CATSPERD: variants seen among roughly 807,000 people sequenced by gnomAD.
The protein encoded by CATSPERD is catsper channel auxiliary subunit delta.
CATSPERD carries 86 observed loss-of-function variants against 98.1 expected under a neutral mutation model. The observed-to-expected ratio is 0.88, with a 90% CI of 0.74 to 1.05. The LOEUF (loss-of-function observed/expected upper bound fraction) is 1.05, where lower values mean the gene tolerates loss of function less well. Ranked by LOEUF, CATSPERD falls within the 50% of genes least tolerant of loss-of-function variation. The probability of loss-of-function intolerance (pLI) is 0.00; values close to 1 mark genes in which losing one functional copy is unlikely to be tolerated. For missense variants in CATSPERD, 995 were observed against 1,005.7 expected (o/e 0.99, Z 0.14); for synonymous variants, 394 against 390.2 (o/e 1.01, Z -0.12).
rs1181412871 is a variant in CATSPERD, at chr19:5,731,106, AAAG to A, written c.276+1164_276+1166del. ...GACTCCGTCTCAAAAAAAAAAAAAA[AAAG>A]AGCCCCCCAAATTGTCCTAAACCAA... On this transcript the variant is annotated intron_variant, in intron 4 of 21. Coordinates refer to ENST00000381624, the MANE Select transcript of CATSPERD (RefSeq NM_152784.4). 3.3e-5 allele frequency among the ~76,000 whole-genome samples: 5 copies of A among 151,918 alleles called. No individual in the cohort carries two copies. In the South Asian group the frequency reaches 8.3e-4, roughly 25 times the overall value.
intron 3 of CATSPERD, among the ~76,000 whole-genome samples, chr19:5,727,971 G>T (rs1471470909): frequency 6.7e-6 from 1 of 150,266 alleles, no homozygotes; most frequent in Non-Finnish European, 1.5e-5. Flanking sequence ...CAGGAGGATC[G>T]CTGGAGGATC....
intron 15 of CATSPERD, among the ~76,000 whole-genome samples, chr19:5,760,291 C>T (rs192385400): frequency 3.8e-4 from 57 of 149,694 alleles, no homozygotes; most frequent in East Asian, 9.9e-4. Flanking sequence ...CTCAGCTACT[C>T]GGGAGGCTGA....
At position 5,747,169 on chromosome 19, in the gene CATSPERD, CTTTTTTTTTTTTT is replaced by C. The variant is rs748726369; in HGVS notation, c.809-982_809-970del. On this transcript the variant is annotated intron_variant, in intron 9 of 21. Coordinates refer to ENST00000381624, the MANE Select transcript of CATSPERD (RefSeq NM_152784.4). ...CTGTTTTATCCTCACAATGGTTTCCCTTTTTTTTTTTTTTTTTTTTTGGGACACAGTTTCACTC... is the reference window on the plus strand; with the variant it reads ...CTGTTTTATCCTCACAATGGTTTCCCTTTTTTTTGGGACACAGTTTCACTC... Among the ~76,000 whole-genome samples the C allele has an allele frequency of 1.1e-4, 12 of 105,774 alleles. No individual in the cohort carries two copies. The Admixed American group carries it at 1.3e-3, about 12-fold the overall frequency. The allele number at this position is 105,774 out of a possible 152,430, so 69.4% of individuals were successfully genotyped here. A position where few individuals can be genotyped will look rare whatever the true frequency, so the allele number is the denominator to read the frequency against.
chr19:5,771,136 G>T (rs2056636574), intron 19 of CATSPERD, 64 bp downstream of exon 19: 1 of 1,552,734 alleles, frequency 6.4e-7, no homozygotes, highest in Admixed American at 1.9e-5. Flanking sequence ...CCCTGGCCCT[G>T]GGGTACCAGC....
chr19:5,748,975 C>A lies in CATSPERD; in HGVS notation c.905-126C>A, dbSNP rs374168794. The stretch of plus-strand genomic sequence containing the variant: ...AAACTCCTGGCCTCAAGTGATCCAC[C>A]CCCCTCGGCCTCTCAAAGTGTTGGA... On this transcript the variant is annotated intron_variant, in intron 10 of 21. Transcript: ENST00000381624. 7.2e-5 allele frequency: 44 copies of A among 612,010 alleles called. No homozygotes were observed. In the Middle Eastern group the frequency reaches 8.1e-4, roughly 11 times the overall value. The allele number at this position is 612,010 out of a possible 1,614,324, so 37.9% of individuals were successfully genotyped here.
intron 4 of CATSPERD, among the ~76,000 whole-genome samples, chr19:5,731,743 T>G (rs534206360): frequency 1.4e-5 from 2 of 147,416 alleles, no homozygotes; most frequent in South Asian, 4.3e-4. Context: ...GCCCGGCTAA[T>G]TTTTTGTATT....
chr19:5,771,223 A>G lies in CATSPERD; in HGVS notation c.1763+151A>G, dbSNP rs144491675. On this transcript the variant is annotated intron_variant, in intron 19 of 21. Coordinates refer to ENST00000381624, the MANE Select transcript of CATSPERD (RefSeq NM_152784.4). ...CCCACCGTGCTCCTGCCCCAGCCCC[A>G]CTGGCCCCCAGGGCCCTCTCCCTGG... is the stretch of plus-strand genomic sequence containing the variant. The G allele has an allele frequency of 1.3e-3, 1,134 of 883,520 alleles. 12 individuals are homozygous for G. In the African/African-American group the frequency reaches 0.017, roughly 14 times the overall value. 54.7% of individuals were successfully genotyped at this position (883,520 alleles called of 1,614,324 possible). A position where few individuals can be genotyped will look rare whatever the true frequency, so the allele number is the denominator to read the frequency against.
chr19:5,759,708 G>A (rs1264174251), intron 15 of CATSPERD, among the ~76,000 whole-genome samples: 1 of 151,926 alleles, frequency 6.6e-6, no homozygotes, highest in African/African-American at 2.4e-5. Flanking sequence ...CAACCCACCG[G>A]TCCATCACCA....
At chr19:5,759,025 A>G in intron 14 of CATSPERD, 61 bp from the exon 15 acceptor site, 1 of 1,477,692 alleles carries the variant, frequency 6.8e-7, no homozygotes, top group East Asian at 2.3e-5. Flanking sequence ...CAATGTCCTG[A>G]GTTGGGGATG....
At chr19:5,753,683 A>T (rs780513545) in intron 12 of CATSPERD, 123 of 331,096 alleles carry the variant, frequency 3.7e-4, no homozygotes, top group Middle Eastern at 2.0e-3. Flanking sequence ...CAGCGTGGCA[A>T]CATAGTAAGC....
At chr19:5,775,663 A>AG (rs1568378209) in intron 20 of CATSPERD, among the ~76,000 whole-genome samples, 1 of 150,340 alleles carries the variant, frequency 6.7e-6, no homozygotes, top group Non-Finnish European at 1.5e-5. Flanking sequence ...AAAAAAAAAA[A>AG]AAAAGAAAGA....
intron 3 of CATSPERD, 65 bp downstream of exon 3, chr19:5,727,409 A>G (rs2055626031): frequency 1.7e-6 from 2 of 1,208,398 alleles, no homozygotes; most frequent in African/African-American, 1.5e-5. Flanking sequence ...TGCCCCATTC[A>G]TTCGTTCAAC....
intron 16 of CATSPERD, among the ~76,000 whole-genome samples, chr19:5,763,954 T>C (rs1417162578): frequency 2.0e-5 from 3 of 149,312 alleles, no homozygotes; most frequent in Non-Finnish European, 4.4e-5. Flanking sequence ...TTCAAGCAAT[T>C]CTCCTAACCT....
chr19:5,723,163 G>C (rs1026188063), intron 1 of CATSPERD, among the ~76,000 whole-genome samples: 1 of 148,238 alleles, frequency 6.7e-6, no homozygotes, highest in African/African-American at 2.5e-5. Context: ...CTCCAGCCTG[G>C]GCGACGGAGC....
chr19:5,754,328 G>C, intron 13 of CATSPERD, 83 bp downstream of exon 13: 1 of 882,498 alleles, frequency 1.1e-6, no homozygotes, highest in Non-Finnish European at 1.9e-6. Flanking sequence ...AAATCCCCTG[G>C]CATCCCCCAC....
In CATSPERD at chr19:5,733,977, A is replaced by G. The variant is rs1331083922; in HGVS notation, c.391+7A>G. 1 of 1,545,174 alleles carries G rather than the reference A, an allele frequency of 6.5e-7. No individual in the cohort carries two copies. The highest frequency in any genetic ancestry group is 8.9e-7 in the Non-Finnish European group (1 of 1,128,616). ...TCTTGGAGCATGTCTTTAGGTATGT[A>G]CATTTTGTATTTTTAAATTTTGTTT... On this transcript the variant is annotated splice_region_variant and intron_variant, in intron 5 of 21. Coordinates refer to ENST00000381624, the MANE Select transcript of CATSPERD (RefSeq NM_152784.4).
chr19:5,726,324 A>G (rs910369193), intron 2 of CATSPERD, among the ~76,000 whole-genome samples: 2 of 152,238 alleles, frequency 1.3e-5, no homozygotes, highest in Non-Finnish European at 2.9e-5. Context: ...TCGGCCTCCC[A>G]AAGTGCTGGG....
intron 15 of CATSPERD, among the ~76,000 whole-genome samples, 177 bp from the exon 16 acceptor site, chr19:5,763,038 A>C (rs1332126331): frequency 6.6e-6 from 1 of 150,508 alleles, no homozygotes; most frequent in African/African-American, 2.4e-5. Flanking sequence ...AGAGAGATGG[A>C]AGGGTGGATG....
At chr19:5,768,091 T>C in intron 17 of CATSPERD, 77 bp from the exon 18 acceptor site, 1 of 1,354,394 alleles carries the variant, frequency 7.4e-7, no homozygotes, top group Non-Finnish European at 1.0e-6. Flanking sequence ...GCCCAGCCCC[T>C]CCCTTTCTGT....
Sources: allele counts gnomAD v4.1 joint callset (sites outside exome capture counted in the v4.1 genomes callset), GRCh38; gene constraint gnomAD v4.1.1; transcripts MANE v1.5; gene names NCBI Gene and HGNC (gene_info 2026-07-23, HGNC 2026-07-21).